The following ANGPT1 variants were observed in gnomAD, a reference collection of about 807,000 sequenced individuals.
ANGPT1 encodes the protein angiopoietin 1, also known as angiopoietin-1.
Under a neutral mutation model 62.2 loss-of-function variants are expected in ANGPT1, and 17 were observed. The observed-to-expected ratio is 0.27, with a 90% confidence interval of 0.19 to 0.41. The LOEUF is 0.41. Ranked by LOEUF, ANGPT1 falls within the 10% of genes least tolerant of loss-of-function variation. ANGPT1 has a pLI of 1.00. For missense variants in ANGPT1, 478 were observed against 594.9 expected (o/e 0.80, Z 2.04); for synonymous variants, 199 against 198.9 (o/e 1.00, Z 0.00).
intron 6 of ANGPT1, among the ~76,000 whole-genome samples, chr8:107,287,947 T>G (rs956045340): frequency 6.6e-6 from 1 of 152,224 alleles, no homozygotes; most frequent in Non-Finnish European, 1.5e-5. Flanking sequence ...GTTGTTATAG[T>G]TAAAATATAT....
At chr8:107,348,518 C>T (rs1424797002) in intron 1 of ANGPT1, among the ~76,000 whole-genome samples, 2 of 151,854 alleles carry the variant, frequency 1.3e-5, no homozygotes, top group African/African-American at 4.8e-5. Context: ...TTCATTTTTC[C>T]CCCAAATTAG....
At chr8:107,384,080 T>C (rs1438057642) in intron 1 of ANGPT1, among the ~76,000 whole-genome samples, 1 of 152,126 alleles carries the variant, frequency 6.6e-6, no homozygotes, top group African/African-American at 2.4e-5. Context: ...AGGGTTTGTA[T>C]TTGAAGAGGT....
rs190018215 is a variant in ANGPT1 at position 107,450,296 on chromosome 8, G to A, written c.297+46966C>T. Among the ~76,000 whole-genome samples, 3 of 152,146 alleles carry A rather than the reference G, an allele frequency of 2.0e-5. No individual in the cohort carries two copies. In the East Asian group the frequency reaches 5.8e-4, roughly 29 times the overall value. ...ATCTCTACAGCTAGTTACACATTCT[G>A]AGCATCTGCTAAAGCTCAAATTCTG... On this transcript the variant is annotated intron_variant, in intron 1 of 8. Transcript: ENST00000517746.
At chr8:107,489,647 C>A (rs955864262) in intron 1 of ANGPT1, among the ~76,000 whole-genome samples, 9 of 152,118 alleles carry the variant, frequency 5.9e-5, no homozygotes, top group African/African-American at 2.2e-4. Flanking sequence ...GGTATAGATC[C>A]TACATGGAAA....
At chr8:107,475,758 A>G (rs1586354485) in intron 1 of ANGPT1, among the ~76,000 whole-genome samples, 1 of 152,192 alleles carries the variant, frequency 6.6e-6, no homozygotes, top group Admixed American at 6.5e-5. Flanking sequence ...AAACAATCCC[A>G]TCAAAAAGTG....
chr8:107,456,289 C>T (rs902917246), intron 1 of ANGPT1, among the ~76,000 whole-genome samples: 1 of 152,044 alleles, frequency 6.6e-6, no homozygotes, highest in Non-Finnish European at 1.5e-5. Context: ...ATAATCTTTT[C>T]TGTAGCAACA....
chr8:107,410,368 T>G (rs552131479), intron 1 of ANGPT1, among the ~76,000 whole-genome samples: 1 of 152,302 alleles, frequency 6.6e-6, no homozygotes, highest in Admixed American at 6.5e-5. Flanking sequence ...GGTCAGGTCC[T>G]AAGGCTCTGG....
chr8:107,280,637 G>A (rs905490475), intron 7 of ANGPT1, among the ~76,000 whole-genome samples: 15 of 152,130 alleles, frequency 9.9e-5, no homozygotes, highest in African/African-American at 3.6e-4. Context: ...TAGGGCAATC[G>A]CAAATAGTTA....
intron 1 of ANGPT1, among the ~76,000 whole-genome samples, chr8:107,458,360 T>C (rs1361694562): frequency 2.6e-5 from 4 of 152,148 alleles, no homozygotes; most frequent in African/African-American, 9.6e-5. Flanking sequence ...GTGATATTAA[T>C]AAATCTGTTT....
chr8:107,343,405 A>G (rs930776801), intron 2 of ANGPT1, among the ~76,000 whole-genome samples: 5 of 152,266 alleles, frequency 3.3e-5, no homozygotes, highest in Admixed American at 2.0e-4. Flanking sequence ...AGCAAGGCTG[A>G]TGAAGAGCCC....
intron 1 of ANGPT1, among the ~76,000 whole-genome samples, chr8:107,445,394 T>C (rs1310646474): frequency 6.6e-6 from 1 of 152,230 alleles, no homozygotes; most frequent in Admixed American, 6.5e-5. Context: ...CCCTTGGAAA[T>C]GCTCCTAGGT....
chr8:107,291,116 G>C, intron 6 of ANGPT1, among the ~76,000 whole-genome samples: 1 of 152,112 alleles, frequency 6.6e-6, no homozygotes, highest in East Asian at 1.9e-4. Context: ...TCACATTTTA[G>C]TGGTGAAAAT....
Position 107,380,106 on chromosome 8 carries a change from G to C in ANGPT1, c.298-33009C>G, listed in dbSNP as rs566834080. ...CCGGGATAGCCTGGTCTGGAAATGT[G>C]GTTTAAGGAAGAATAAAAATACAAA... On this transcript the variant is annotated intron_variant, in intron 1 of 8. Transcript: ENST00000517746. Among the ~76,000 whole-genome samples, 5 of 145,916 alleles carry C rather than the reference G, an allele frequency of 3.4e-5. No homozygotes were observed. The East Asian group carries it at 9.9e-4, about 29-fold the overall frequency.
At chr8:107,463,806 T>C (rs1384886020) in intron 1 of ANGPT1, among the ~76,000 whole-genome samples, 1 of 152,114 alleles carries the variant, frequency 6.6e-6, no homozygotes, top group Non-Finnish European at 1.5e-5. Flanking sequence ...CCTTAAAAGC[T>C]ACATAAGGAT....
chr8:107,469,485 G>A (rs1042136202), intron 1 of ANGPT1, among the ~76,000 whole-genome samples: 6 of 152,002 alleles, frequency 3.9e-5, no homozygotes, highest in African/African-American at 1.4e-4. Context: ...ATTAATAAAT[G>A]CAACCTTGGA....
intron 7 of ANGPT1, among the ~76,000 whole-genome samples, chr8:107,268,913 C>T (rs1029096436): frequency 1.3e-5 from 2 of 152,014 alleles, no homozygotes; most frequent in Admixed American, 6.6e-5. Flanking sequence ...CTTAGTAGCA[C>T]TTGTAATTTA....
At chr8:107,264,434 C>T (rs1169233255) in intron 7 of ANGPT1, 83 bp from the exon 8 acceptor site, 6 of 1,499,708 alleles carry the variant, frequency 4.0e-6, no homozygotes, top group Non-Finnish European at 5.4e-6. Context: ...GAATGTTTGC[C>T]TTTTTCATCA....
intron 7 of ANGPT1, among the ~76,000 whole-genome samples, chr8:107,280,022 G>C (rs1813963460): frequency 6.6e-6 from 1 of 151,984 alleles, no homozygotes; most frequent in East Asian, 1.9e-4. Flanking sequence ...GAGATTCAGG[G>C]CTCACATGCT....
At chr8:107,430,403 C>T (rs1399071952) in intron 1 of ANGPT1, among the ~76,000 whole-genome samples, 1 of 152,200 alleles carries the variant, frequency 6.6e-6, no homozygotes, top group Non-Finnish European at 1.5e-5. Flanking sequence ...GTTCACATGG[C>T]TGACTCCCAA....
Sources: allele counts gnomAD v4.1 joint callset (sites outside exome capture counted in the v4.1 genomes callset), GRCh38; gene constraint gnomAD v4.1.1; transcripts MANE v1.5; gene names NCBI Gene and HGNC (gene_info 2026-07-23, HGNC 2026-07-21).